Variants in EIF4E observed in about 807,000 individuals in gnomAD.
EIF4E encodes the protein eIF-4F 25 kDa subunit.
For missense variants in EIF4E, 113 were observed against 265.6 expected (o/e 0.43, Z 3.99); for synonymous variants, 71 against 88.5 (o/e 0.80, Z 1.11).
At chr4:98,908,583 G>A (rs1724979887) in intron 1 of EIF4E, among the ~76,000 whole-genome samples, 2 of 152,206 alleles carry the variant, frequency 1.3e-5, no homozygotes, top group Non-Finnish European at 2.9e-5. Flanking sequence ...ATAATGAGCA[G>A]AAGGACAGAC....
intron 1 of EIF4E, 109 bp from the exon 2 acceptor site, chr4:98,902,091 C>CA (rs1724677228): frequency 7.3e-6 from 7 of 956,876 alleles, no homozygotes; most frequent in South Asian, 1.5e-5. Flanking sequence ...TTTTTTGAGA[C>CA]AGAGTCTCTC....
At chr4:98,928,859 T>C (rs1481019188) in intron 1 of EIF4E, 13 of 1,532,842 alleles carry the variant, frequency 8.5e-6, no homozygotes, top group South Asian at 4.8e-5. Flanking sequence ...ACGCCGCCCC[T>C]CCCCCACACC....
intron 2 of EIF4E, among the ~76,000 whole-genome samples, chr4:98,896,486 CAAAAAAA>C (rs59729154): frequency 1.3e-4 from 5 of 39,026 alleles, no homozygotes; most frequent in African/African-American, 4.9e-4. Flanking sequence ...CCGCATCTCT[CAAAAAAA>C]AAAAAAAAAA....
chr4:98,901,953 A>C lies in EIF4E; in HGVS notation c.48T>G (p.Thr16=), dbSNP rs556624097. 76 of 1,613,570 alleles carry C rather than the reference A, an allele frequency of 4.7e-5. 2 individuals carry two copies. In the South Asian group the frequency reaches 7.7e-4, roughly 16 times the overall value. The change falls in exon 2 of 7, where the codon ACT becomes ACG. Residue 16 remains threonine, a synonymous_variant. Transcript: ENST00000450253. ...PETTPTPNPP[T]TEEEKTESNQ... is the part of the protein sequence containing the mutation. ...TAGATTCCGTTTTCTCCTCTTCTGTAGTCGGGGGATTAGGAGTAGGGGTGG... is the reference window on the plus strand; with the variant it reads ...TAGATTCCGTTTTCTCCTCTTCTGTCGTCGGGGGATTAGGAGTAGGGGTGG...
intron 6 of EIF4E, among the ~76,000 whole-genome samples, chr4:98,882,806 GA>G (rs1723754327): frequency 1.3e-5 from 2 of 149,068 alleles, no homozygotes; most frequent in African/African-American, 4.9e-5. Flanking sequence ...ACTTCCGTAG[GA>G]AAAAAATTCT....
rs748576618 is a variant in EIF4E, at chr4:98,887,855, A to G, written c.285+34T>C. On this transcript the variant is annotated intron_variant, in intron 4 of 6. Coordinates refer to ENST00000450253, the MANE Select transcript of EIF4E (RefSeq NM_001968.5). The surrounding 1 kb of genome is among the most constrained non-coding windows in gnomAD (Gnocchi z 4.0). ...AATGAATACCAAATGGCCCAGTCCTATAATAAATATATAAAATCACCAATT... is the reference window on the plus strand; with the variant it reads ...AATGAATACCAAATGGCCCAGTCCTGTAATAAATATATAAAATCACCAATT... 6 of 1,587,878 alleles carry G rather than the reference A, an allele frequency of 3.8e-6. No individual in the cohort carries two copies. The highest frequency in any genetic ancestry group is 5.2e-6 in the Non-Finnish European group (6 of 1,158,752).
intron 1 of EIF4E, among the ~76,000 whole-genome samples, chr4:98,928,139 G>C (rs1306501092): frequency 1.3e-5 from 2 of 152,198 alleles, no homozygotes; most frequent in African/African-American, 4.8e-5. Flanking sequence ...GAAGAACAGA[G>C]GGATTGAGAC....
At chr4:98,892,436 T>C (rs1724188805) in intron 2 of EIF4E, among the ~76,000 whole-genome samples, 1 of 151,320 alleles carries the variant, frequency 6.6e-6, no homozygotes. Flanking sequence ...CTCAACACTT[T>C]GGGAGGCTGA....
intron 1 of EIF4E, among the ~76,000 whole-genome samples, chr4:98,912,353 G>A (rs1051119803): frequency 1.3e-5 from 2 of 151,884 alleles, no homozygotes; most frequent in Non-Finnish European, 2.9e-5. Context: ...AACACGGGTG[G>A]ATCATGAGGT....
intron 1 of EIF4E, among the ~76,000 whole-genome samples, chr4:98,917,132 AC>A (rs781493535): frequency 0.057 from 1,798 of 31,454 alleles, 16 homozygotes; most frequent in East Asian, 0.14. Context: ...ACACACACAC[AC>A]AAAAAAAACC....
intron 1 of EIF4E, among the ~76,000 whole-genome samples, chr4:98,919,478 C>T (rs941850033): frequency 6.6e-6 from 1 of 151,766 alleles, no homozygotes; most frequent in Non-Finnish European, 1.5e-5. Context: ...CTGGACATAT[C>T]CAGTTATACC....
intron 1 of EIF4E, among the ~76,000 whole-genome samples, chr4:98,925,651 AATG>A (rs1336222463): frequency 6.6e-6 from 1 of 152,224 alleles, no homozygotes; most frequent in Non-Finnish European, 1.5e-5. Context: ...TCAAACTGAA[AATG>A]ATATTTTATG....
rs574924004 is a variant in EIF4E at position 98,901,458 on chromosome 4, G to A, written c.125+418C>T. 1.1e-3 allele frequency among the ~76,000 whole-genome samples: 171 copies of A among 151,948 alleles called. 1 individual carries two copies. Among genetic ancestry groups the A allele is most frequent in the African/African-American group, 3.8e-3 (157 of 41,440 alleles). ...AGGTGATCCGCCCGCCTCCGCCTCC[G>A]CCTCCGCCTCCTGAAGTGCTGGGTT... On this transcript the variant is annotated intron_variant, in intron 2 of 6. Transcript: ENST00000450253.
chr4:98,896,465 A>G (rs1357858695), intron 2 of EIF4E, among the ~76,000 whole-genome samples: 1 of 138,338 alleles, frequency 7.2e-6, no homozygotes, highest in East Asian at 2.3e-4. Context: ...CCTGAGCAAC[A>G]TAGCAAGACC....
chr4:98,905,207 G>A (rs1161996401), intron 1 of EIF4E, among the ~76,000 whole-genome samples: 4 of 146,808 alleles, frequency 2.7e-5, no homozygotes, highest in South Asian at 4.3e-4. Flanking sequence ...CTAAATGACC[G>A]ATCTCAGGTT....
intron 1 of EIF4E, among the ~76,000 whole-genome samples, chr4:98,912,444 T>A (rs1377351947): frequency 6.7e-6 from 1 of 150,282 alleles, no homozygotes; most frequent in East Asian, 2.0e-4. Context: ...GGCGTGGTGG[T>A]GCATGCCTGT....
At chr4:98,897,327 T>C (rs1422336176) in intron 2 of EIF4E, among the ~76,000 whole-genome samples, 2 of 152,052 alleles carry the variant, frequency 1.3e-5, no homozygotes, top group African/African-American at 2.4e-5. Context: ...TTCTAGCACT[T>C]TGGGAGGCTG....
chr4:98,918,688 T>C (rs986529967), intron 1 of EIF4E, among the ~76,000 whole-genome samples: 1 of 152,190 alleles, frequency 6.6e-6, no homozygotes, highest in Non-Finnish European at 1.5e-5. Flanking sequence ...GAAATAATTA[T>C]GTTAAAACCA....
intron 3 of EIF4E, among the ~76,000 whole-genome samples, chr4:98,889,566 T>C (rs1015801689): frequency 6.6e-6 from 1 of 152,182 alleles, no homozygotes; most frequent in Non-Finnish European, 1.5e-5. Flanking sequence ...AATGGTTATC[T>C]GCAATAAATT....
Sources: allele counts gnomAD v4.1 joint callset (sites outside exome capture counted in the v4.1 genomes callset), GRCh38; gene constraint gnomAD v4.1.1; non-coding constraint Gnocchi (gnomAD v3.1); transcripts MANE v1.5; gene names NCBI Gene and HGNC (gene_info 2026-07-23, HGNC 2026-07-21).